CELSR1: variants seen among roughly 807,000 people sequenced by gnomAD.
The protein encoded by CELSR1 is adhesion G protein-coupled receptor C1.
In CELSR1, 110 loss-of-function variants were observed where a neutral mutation model predicts 249.1. The ratio of observed to expected loss-of-function variants is 0.44; its 90% CI spans 0.38 to 0.52. CELSR1 has a LOEUF of 0.52. Ranked by LOEUF, CELSR1 falls within the 20% of genes least tolerant of loss-of-function variation. The pLI is 0.00. For synonymous variants in CELSR1, 2,113 were observed against 1,900.0 expected (o/e 1.11, Z -2.92); for missense variants, 4,109 against 4,296.4 (o/e 0.96, Z 1.22).
rs769804487 is a variant in CELSR1 at position 46,534,377 on chromosome 22, G to C, written c.2794C>G (p.Gln932Glu). ...GPNGRLLYTF[Q>E]GGDDGDGDFY... The stretch of plus-strand genomic sequence containing the variant: ...TCCCCATCGCCGTCGTCCCCACCCT[G>C]GAAGGTGTACAGCAGACGCCCATTG... Residue 932 changes from glutamine (Q) to glutamate (E), a missense_variant, in exon 1 of 35, where the codon CAG (glutamine) becomes GAG (glutamate). Around this residue, in one of 7 missense-constraint regions of CELSR1, gnomAD observed 886 missense variants for 896.5 expected, o/e 0.99. Coordinates refer to ENST00000674500, the MANE Select transcript of CELSR1 (RefSeq NM_001378328.1). The surrounding 1 kb of genome is among the most constrained non-coding windows in gnomAD (Gnocchi z 9.7). The C allele has an allele frequency of 1.9e-6, 3 of 1,612,886 alleles. No individual in the cohort carries two copies. In the East Asian group the frequency reaches 6.7e-5, roughly 36 times the overall value.
In CELSR1 at chr22:46,381,873, C is replaced by T. The variant is rs749717719; in HGVS notation, c.7061G>A (p.Arg2354His). ...GAGGCTGCGACGGTCGGGGTCGTAG[C>T]GCTCGGGCAGGAGCTGCCCCAGGGT... ...YRTLGQLLPE[R>H]YDPDRRSLRL... Residue 2354 changes from arginine (R) to histidine (H), a missense_variant, in exon 21 of 35, where the codon CGC becomes CAC. By Grantham distance (29) the Arg-to-His change is conservative. Around this residue, in one of 7 missense-constraint regions of CELSR1, gnomAD observed 1,805 missense variants for 1,831.6 expected, o/e 0.99. Coordinates refer to ENST00000674500, the MANE Select transcript of CELSR1 (RefSeq NM_001378328.1). The surrounding 1 kb of genome is among the most constrained non-coding windows in gnomAD (Gnocchi z 6.0). 251 of 1,568,060 alleles carry T rather than the reference C, an allele frequency of 1.6e-4. No individual in the cohort carries two copies. The East Asian group carries it at 3.5e-3, about 22-fold the overall frequency.
chr22:46,524,754 A>C (rs1463984087), intron 1 of CELSR1, among the ~76,000 whole-genome samples: 1 of 152,182 alleles, frequency 6.6e-6, no homozygotes. Context: ...TACCCGAAGC[A>C]AAAGCCTAAG....
At chr22:46,524,636 A>G (rs1389277092) in intron 1 of CELSR1, among the ~76,000 whole-genome samples, 1 of 152,026 alleles carries the variant, frequency 6.6e-6, no homozygotes, top group Non-Finnish European at 1.5e-5. Flanking sequence ...ACAAGAGAAC[A>G]GGCGCTAGAG....
In CELSR1 at chr22:46,367,768, C is replaced by A; in HGVS notation, c.8040G>T (p.Leu2680=). The change falls in exon 28 of 35, where the codon CTG becomes CTT. Residue 2680 remains leucine (L), a synonymous_variant. Coordinates refer to ENST00000674500, the MANE Select transcript of CELSR1 (RefSeq NM_001378328.1). Reference sequence around the variant, plus strand: ...AGATGGCGAAGAGGTAGTGAAAGCTCAGTGCATCGCGGTTCACAGCCAGCA... The same window carrying A: ...AGATGGCGAAGAGGTAGTGAAAGCTAAGTGCATCGCGGTTCACAGCCAGCA... ...LGLLAVNRDA[L]SFHYLFAIFS... is the part of the protein sequence containing the mutation. 6.2e-7 allele frequency: 1 copy of A among 1,609,544 alleles called. No homozygotes were observed. Among genetic ancestry groups the A allele is most frequent in the South Asian group, 1.1e-5 (1 of 89,942 alleles).
intron 24 of CELSR1, among the ~76,000 whole-genome samples, chr22:46,373,658 T>TGGGGGAGATGGGGGAGAA (rs2078883325): frequency 2.1e-5 from 1 of 48,014 alleles, no homozygotes; most frequent in African/African-American, 8.5e-5. Context: ...AATGGGGAGA[T>TGGGGGAGATGGGGGAGAA]GGGGGAGAAG....
chr22:46,422,705 T>G (rs2079490589), intron 5 of CELSR1, among the ~76,000 whole-genome samples: 1 of 149,274 alleles, frequency 6.7e-6, no homozygotes, highest in South Asian at 2.1e-4. Flanking sequence ...AGGTGGAGCT[T>G]GCAGTGAGCT....
chr22:46,473,064 A>C lies in CELSR1; in HGVS notation c.3545-8719T>G, dbSNP rs1602185006. ...TGCAGAGTAGCGGAGAGACACGGGC[A>C]CGGAGGCAGGGGGTGGGTGAACCTC... On this transcript the variant is annotated intron_variant, in intron 1 of 34. Transcript: ENST00000674500. This position sits in a 1 kb window ranked among gnomAD's most constrained non-coding sequence, Gnocchi z 6.6. Among the ~76,000 whole-genome samples, 1 of 152,006 alleles carries C rather than the reference A, an allele frequency of 6.6e-6. No individual in the cohort carries two copies. The highest frequency in any genetic ancestry group is 2.4e-5 in the African/African-American group (1 of 41,370).
chr22:46,403,971 C>CAAAAAAAAAA (rs756055741), intron 9 of CELSR1, among the ~76,000 whole-genome samples: 7 of 48,372 alleles, frequency 1.4e-4, no homozygotes, highest in African/African-American at 2.6e-4. Flanking sequence ...AACTCCGTCT[C>CAAAAAAAAAA]AAAAAAAAAA....
intron 22 of CELSR1, 126 bp from the exon 23 acceptor site, chr22:46,378,843 C>A: frequency 7.9e-7 from 1 of 1,260,122 alleles, no homozygotes. Context: ...CAGCAGGTGC[C>A]GTGAGTGCTG....
At chr22:46,458,974 C>T (rs2079988730) in intron 2 of CELSR1, among the ~76,000 whole-genome samples, 1 of 152,152 alleles carries the variant, frequency 6.6e-6, no homozygotes. Context: ...GTCACTGCAA[C>T]TTCCGCCTCC....
In CELSR1 at chr22:46,536,749, G is replaced by C. The variant is rs891553813; in HGVS notation, c.422C>G (p.Ala141Gly). 9 of 1,172,900 alleles carry C rather than the reference G, an allele frequency of 7.7e-6. No homozygotes were observed. In the East Asian group the frequency reaches 3.5e-4, roughly 46 times the overall value. 72.7% of individuals were successfully genotyped at this position (1,172,900 alleles called of 1,614,324 possible). ...AGCTGCGAGCGCCGAATGCTGCGCG[G>C]CCGCGCAGCCGCCGGGGACGGGGAA... ...LCFPVPGGCA[A>G]AQHSALAAPT... Residue 141 changes from alanine to glycine, a missense_variant, in exon 1 of 35, where the codon GCC becomes GGC. This residue lies in a region of CELSR1 where 673 missense variants were observed against 636.8 expected (regional missense o/e 1.06). Coordinates refer to ENST00000674500, the MANE Select transcript of CELSR1 (RefSeq NM_001378328.1).
chr22:46,536,413 G>A lies in CELSR1; in HGVS notation c.758C>T (p.Ala253Val), dbSNP rs762869620. ...LKFPMPNYQV[A>V]LFENEPAGTL... ...GCCCGCCGGTTCGTTCTCAAACAAC[G>A]CCACCTGGTAGTTGGGCATCGGAAA... The change falls in exon 1 of 35, where the codon GCG becomes GTG. Residue 253 changes from alanine to valine, a missense_variant. Physicochemically the swap from Ala to Val is moderately conservative, Grantham distance 64. Transcript: ENST00000674500. The A allele has an allele frequency of 6.2e-7, 1 of 1,612,344 alleles. No individual in the cohort carries two copies. Among genetic ancestry groups the A allele is most frequent in the Non-Finnish European group, 8.5e-7 (1 of 1,179,608 alleles).
At position 46,448,352 on chromosome 22, in the gene CELSR1, T is replaced by C. The variant is rs1289622508; in HGVS notation, c.4184-8941A>G. Among the ~76,000 whole-genome samples the C allele has an allele frequency of 5.3e-5, 8 of 151,902 alleles. No individual in the cohort carries two copies. Among genetic ancestry groups the C allele is most frequent in the South Asian group, 4.2e-4 (2 of 4,818 alleles). Reference sequence around the variant, plus strand: ...CCCCTGGCTCAAGAGCTCCAGAACTTACCCCTGGGGGGCTGCTCCAGGAGC... The same window carrying C: ...CCCCTGGCTCAAGAGCTCCAGAACTCACCCCTGGGGGGCTGCTCCAGGAGC... On this transcript the variant is annotated intron_variant, in intron 2 of 34. Coordinates refer to ENST00000674500, the MANE Select transcript of CELSR1 (RefSeq NM_001378328.1). This position sits in a 1 kb window ranked among gnomAD's most constrained non-coding sequence, Gnocchi z 5.7.
rs77097216 is a variant in CELSR1 at position 46,430,130 on chromosome 22, C to G, written c.4611+3263G>C. Among the ~76,000 whole-genome samples the G allele has an allele frequency of 0.039, 5,865 of 152,270 alleles. 132 individuals carry two copies. Among genetic ancestry groups the G allele is most frequent in the Middle Eastern group, 0.085 (25 of 294 alleles). ...AACACCCGGGAGATCATGCTCAGAT[C>G]TAAAATGCAGGTGGCCCACACCTCA... On this transcript the variant is annotated intron_variant, in intron 5 of 34. Transcript: ENST00000674500. The surrounding 1 kb of genome is among the most constrained non-coding windows in gnomAD (Gnocchi z 4.6).
At chr22:46,442,178 G>T (rs2079758551) in intron 2 of CELSR1, among the ~76,000 whole-genome samples, 1 of 152,200 alleles carries the variant, frequency 6.6e-6, no homozygotes, top group Non-Finnish European at 1.5e-5. Flanking sequence ...AAAGAAATCA[G>T]GTGCTATCAA....
Position 46,534,165 on chromosome 22 carries a change from G to A in CELSR1, c.3006C>T (p.Asp1002=), listed in dbSNP as rs757983563. 108 of 1,613,838 alleles carry A rather than the reference G, an allele frequency of 6.7e-5. No individual in the cohort carries two copies. The highest frequency in any genetic ancestry group is 1.6e-4 in the Middle Eastern group (1 of 6,062). The change falls in exon 1 of 35, where the codon GAC becomes GAT. Residue 1002 remains aspartate, a synonymous_variant. Transcript: ENST00000674500. The surrounding 1 kb of genome is among the most constrained non-coding windows in gnomAD (Gnocchi z 9.7). ...TCTCCTCAACAAACAGCTCCAGTTC[G>A]TCCTTCTCAAACATGGGGGCATTGT... is the stretch of plus-strand genomic sequence containing the variant. The part of the protein sequence containing the change: ...INDNAPMFEK[D]ELELFVEENN...
rs931712385 is a variant in CELSR1 at position 46,534,871 on chromosome 22, C to T, written c.2300G>A (p.Gly767Asp). 5 of 1,612,544 alleles carry T rather than the reference C, an allele frequency of 3.1e-6. No individual in the cohort carries two copies. Among genetic ancestry groups the T allele is most frequent in the African/African-American group, 1.3e-5 (1 of 74,898 alleles). Residue 767 changes from glycine (G) to aspartate (D), a missense_variant, in exon 1 of 35, where the codon GGC (glycine) becomes GAC (aspartate). Coordinates refer to ENST00000674500, the MANE Select transcript of CELSR1 (RefSeq NM_001378328.1). The surrounding 1 kb of genome is among the most constrained non-coding windows in gnomAD (Gnocchi z 9.7). ...QYVLAVTASD[G>D]TRSHTAHVLI... ...GACATGCGCAGTGTGCGACCGTGTGCCGTCGGATGCTGTCACCGCCAGCAC... is the reference window on the plus strand; with the variant it reads ...GACATGCGCAGTGTGCGACCGTGTGTCGTCGGATGCTGTCACCGCCAGCAC...
chr22:46,431,927 G>T (rs1023783236), intron 5 of CELSR1, among the ~76,000 whole-genome samples: 1 of 152,212 alleles, frequency 6.6e-6, no homozygotes, highest in African/African-American at 2.4e-5. Context: ...CCCACTAGGG[G>T]TGACATCCAA....
At chr22:46,494,756 C>T (rs2080397730) in intron 1 of CELSR1, among the ~76,000 whole-genome samples, 1 of 152,190 alleles carries the variant, frequency 6.6e-6, no homozygotes, top group Non-Finnish European at 1.5e-5. Flanking sequence ...ATCCGCCCGC[C>T]TCGGTCTCCC....
Sources: allele counts gnomAD v4.1 joint callset (sites outside exome capture counted in the v4.1 genomes callset), GRCh38; gene constraint gnomAD v4.1.1; regional missense constraint gnomAD v4.1.1; non-coding constraint Gnocchi (gnomAD v3.1); transcripts MANE v1.5; gene names NCBI Gene and HGNC (gene_info 2026-07-23, HGNC 2026-07-21).